The following JHY variants were observed in gnomAD, a reference collection of about 807,000 sequenced individuals.
The protein encoded by JHY is jhy protein homolog.
A neutral mutation model predicts 78.0 loss-of-function variants in JHY; 69 were observed. That is an observed-to-expected ratio of 0.88 (90% CI 0.73 to 1.08). JHY has a LOEUF of 1.08. Ranked by LOEUF, JHY falls within the 50% of genes least tolerant of loss-of-function variation. JHY has a pLI of 0.00. For synonymous variants in JHY, 368 were observed against 342.6 expected (o/e 1.07, Z -0.82); for missense variants, 944 against 927.8 (o/e 1.02, Z -0.23).
intron 3 of JHY, among the ~76,000 whole-genome samples, chr11:122,912,666 G>A (rs1045024848): frequency 2.0e-5 from 3 of 151,918 alleles, no homozygotes; most frequent in Non-Finnish European, 2.9e-5. Context: ...CACTTGAGCC[G>A]GGAGGCCGAG....
At chr11:122,892,748 AT>A (rs1862651366) in intron 2 of JHY, among the ~76,000 whole-genome samples, 1 of 152,176 alleles carries the variant, frequency 6.6e-6, no homozygotes, top group Non-Finnish European at 1.5e-5. Flanking sequence ...GAAGAGTGAC[AT>A]TGGATAACCA....
chr11:122,904,916 G>A (rs1862952427), intron 3 of JHY, among the ~76,000 whole-genome samples: 1 of 152,132 alleles, frequency 6.6e-6, no homozygotes, highest in Admixed American at 6.5e-5. Context: ...CACATTGTGG[G>A]TGACATGGAA....
intron 3 of JHY, among the ~76,000 whole-genome samples, chr11:122,924,542 T>C (rs1313933748): frequency 3.3e-5 from 5 of 152,216 alleles, no homozygotes; most frequent in African/African-American, 1.2e-4. Context: ...TCTTGGCGTA[T>C]AGTGTTATTT....
At chr11:122,904,813 T>G (rs1862950390) in intron 3 of JHY, among the ~76,000 whole-genome samples, 1 of 152,252 alleles carries the variant, frequency 6.6e-6, no homozygotes, top group South Asian at 2.1e-4. Context: ...GTTTTCCAAA[T>G]GATAAAATAT....
In JHY at chr11:122,961,105, TG is replaced by T. The variant is rs1864304088; in HGVS notation, c.*1661del. ...GTTATGTAAATGTATCTATCCCAAT[TG>T]AGAGAGCCAGAAACAGTTGACTGAC... On this transcript the variant is annotated 3_prime_UTR_variant, in exon 9 of 9. Coordinates refer to ENST00000227349, the MANE Select transcript of JHY (RefSeq NM_024806.4). 2.0e-6 allele frequency: 2 copies of T among 996,206 alleles called. No homozygotes were observed. The highest frequency in any genetic ancestry group is 3.2e-5 in the African/African-American group (2 of 62,068). 61.7% of individuals were successfully genotyped at this position (996,206 alleles called of 1,614,324 possible).
Position 122,904,150 on chromosome 11 carries a change from A to T in JHY, c.570A>T (p.Leu190Phe), listed in dbSNP as rs1862927639. The T allele has an allele frequency of 6.2e-7, 1 of 1,614,158 alleles. No individual in the cohort carries two copies. The highest frequency in any genetic ancestry group is 8.5e-7 in the Non-Finnish European group (1 of 1,180,030). Residue 190 changes from leucine (L) to phenylalanine (F), a missense_variant, in exon 3 of 9, where the codon TTA becomes TTT. By Grantham distance (22) the Leu-to-Phe change is conservative (BLOSUM62 0). Transcript: ENST00000227349. ...AGAGTCCACAGAGTGCAGCTTCTTT[A>T]CTTGGTAGTGAATTTTTAAGCCCAA... ...QKESPQSAAS[L>F]LGSEFLSPNY...
At chr11:122,911,823 T>G (rs148440186) in intron 3 of JHY, among the ~76,000 whole-genome samples, 1,508 of 141,022 alleles carry the variant, frequency 0.011, 34 homozygotes, top group African/African-American at 0.039. Context: ...GAGATACGCT[T>G]GAACCCGGGA....
intron 5 of JHY, among the ~76,000 whole-genome samples, chr11:122,942,550 A>G (rs1487904235): frequency 6.6e-6 from 1 of 151,980 alleles, no homozygotes; most frequent in Non-Finnish European, 1.5e-5. Context: ...CAGCCTCCCA[A>G]GTAGCTGGGA....
intron 8 of JHY, 119 bp from the exon 9 acceptor site, chr11:122,959,129 T>A: frequency 7.2e-7 from 1 of 1,389,500 alleles, no homozygotes; most frequent in Non-Finnish European, 9.6e-7. Flanking sequence ...TCCACCAATG[T>A]CTTAGTAAGT....
Position 122,921,336 on chromosome 11 carries a change from A to T in JHY, c.865-3561A>T, listed in dbSNP as rs551236433. 2.6e-5 allele frequency among the ~76,000 whole-genome samples: 4 copies of T among 152,354 alleles called. No homozygotes were observed. The East Asian group carries it at 7.7e-4, about 29-fold the overall frequency. ...CTAAACTAAGTCCCCTTTATTTCTT[A>T]GACACTTACAAAAGTCAGGGAATCA... On this transcript the variant is annotated intron_variant, in intron 3 of 8. Coordinates refer to ENST00000227349, the MANE Select transcript of JHY (RefSeq NM_024806.4).
rs1171871309 is a variant in JHY, at chr11:122,912,976, CA to C, written c.864+8533del. 2.0e-5 allele frequency among the ~76,000 whole-genome samples: 3 copies of C among 152,100 alleles called. No individual in the cohort carries two copies. In the East Asian group the frequency reaches 5.8e-4, roughly 29 times the overall value. On this transcript the variant is annotated intron_variant, in intron 3 of 8. Coordinates refer to ENST00000227349, the MANE Select transcript of JHY (RefSeq NM_024806.4). Reference sequence around the variant, plus strand: ...CTTACACCAGGGAGAAGATTCCACCCAGGGAAGAGGCCCTTCTAACCAGCTC... The same window carrying C: ...CTTACACCAGGGAGAAGATTCCACCCGGGAAGAGGCCCTTCTAACCAGCTC...
chr11:122,948,496 T>C (rs1864014585), intron 6 of JHY, among the ~76,000 whole-genome samples: 1 of 150,496 alleles, frequency 6.6e-6, no homozygotes, highest in Non-Finnish European at 1.5e-5. Flanking sequence ...TACTAGGAAC[T>C]TGGAAGATGC....
At chr11:122,924,554 A>G (rs554163284) in intron 3 of JHY, among the ~76,000 whole-genome samples, 50 of 152,282 alleles carry the variant, frequency 3.3e-4, no homozygotes, top group African/African-American at 1.2e-3. Context: ...GTGTTATTTC[A>G]TAGTGTTTCT....
intron 6 of JHY, among the ~76,000 whole-genome samples, chr11:122,948,300 G>A (rs917190080): frequency 9.9e-5 from 15 of 151,878 alleles, no homozygotes; most frequent in Admixed American, 4.6e-4. Context: ...AAAATTAGCC[G>A]GGCATGGTGG....
intron 4 of JHY, among the ~76,000 whole-genome samples, chr11:122,925,830 A>G (rs2135342301): frequency 6.6e-6 from 1 of 152,044 alleles, no homozygotes; most frequent in Non-Finnish European, 1.5e-5. Context: ...AGCCCGGCCA[A>G]TATGGTGAAA....
intron 3 of JHY, among the ~76,000 whole-genome samples, chr11:122,907,251 T>G (rs562824011): frequency 1.0e-3 from 114 of 110,392 alleles, no homozygotes; most frequent in South Asian, 2.8e-3. Context: ...AACTGATGTG[T>G]TTTTTTTTTT....
intron 6 of JHY, among the ~76,000 whole-genome samples, chr11:122,951,278 C>T (rs1864078655): frequency 1.3e-5 from 2 of 152,200 alleles, no homozygotes; most frequent in South Asian, 4.1e-4. Context: ...ATCAGGCAGT[C>T]AGGGATCAAG....
chr11:122,901,912 TA>T (rs1364917864), intron 2 of JHY, among the ~76,000 whole-genome samples: 14 of 151,980 alleles, frequency 9.2e-5, no homozygotes, highest in African/African-American at 2.7e-4. Context: ...ACTTTTTTGT[TA>T]AAAACTGAGA....
chr11:122,947,121 C>T (rs1335588391), intron 6 of JHY: 1 of 211,514 alleles, frequency 4.7e-6, no homozygotes, highest in Non-Finnish European at 9.3e-6. Flanking sequence ...TTCCATACTC[C>T]ACCCCAAGCC....
Sources: allele counts gnomAD v4.1 joint callset (sites outside exome capture counted in the v4.1 genomes callset), GRCh38; gene constraint gnomAD v4.1.1; transcripts MANE v1.5; gene names NCBI Gene and HGNC (gene_info 2026-07-23, HGNC 2026-07-21).